Variants in COLQ observed in about 807,000 individuals in gnomAD.
COLQ encodes the protein acetylcholinesterase collagenic tail peptide.
Under a neutral mutation model 69.0 loss-of-function variants are expected in COLQ, and 48 were observed. That is an observed-to-expected ratio of 0.70 (90% CI 0.55 to 0.88). The LOEUF (loss-of-function observed/expected upper bound fraction) is 0.88. Among genes scored for constraint, COLQ ranks in the 40% least tolerant of loss-of-function variants. The pLI is 0.00. For missense variants in COLQ, 618 were observed against 594.6 expected (o/e 1.04, Z -0.41); for synonymous variants, 217 against 211.2 (o/e 1.03, Z -0.24).
chr3:15,474,184 T>G (rs769727092), intron 9 of COLQ, 44 bp downstream of exon 9: 1 of 1,610,972 alleles, frequency 6.2e-7, no homozygotes, highest in South Asian at 1.1e-5. Context: ...GGCTGCTACT[T>G]GCACTGACAT....
At chr3:15,481,079 G>A (rs947352927) in intron 3 of COLQ, among the ~76,000 whole-genome samples, 2 of 152,066 alleles carry the variant, frequency 1.3e-5, no homozygotes, top group Non-Finnish European at 2.9e-5. Context: ...TTGGATATTA[G>A]CCCTTTGTAG....
At chr3:15,495,872 G>A (rs1340817341) in intron 1 of COLQ, among the ~76,000 whole-genome samples, 9 of 152,132 alleles carry the variant, frequency 5.9e-5, no homozygotes, top group Admixed American at 2.6e-4. Flanking sequence ...CACCAATCCC[G>A]GAACGTTTTT....
At chr3:15,513,768 T>C (rs1482808409) in intron 1 of COLQ, among the ~76,000 whole-genome samples, 2 of 152,208 alleles carry the variant, frequency 1.3e-5, no homozygotes, top group African/African-American at 4.8e-5. Flanking sequence ...CACTCGTGGG[T>C]CTGTTTACCT....
intron 1 of COLQ, among the ~76,000 whole-genome samples, chr3:15,511,219 A>C (rs957486195): frequency 6.6e-6 from 1 of 152,190 alleles, no homozygotes; most frequent in African/African-American, 2.4e-5. Flanking sequence ...ATGTGTCCTA[A>C]TTTTACCTGA....
chr3:15,504,561 A>G (rs2062878140), intron 1 of COLQ, among the ~76,000 whole-genome samples: 1 of 152,194 alleles, frequency 6.6e-6, no homozygotes, highest in Non-Finnish European at 1.5e-5. Flanking sequence ...CTCATCTCCA[A>G]ATATAGTCAC....
At position 15,482,995 on chromosome 3, in the gene COLQ, T is replaced by C. The variant is rs529275602; in HGVS notation, c.322-3613A>G. Among the ~76,000 whole-genome samples the C allele has an allele frequency of 3.3e-5, 5 of 152,274 alleles. No individual in the cohort carries two copies. In the South Asian group the frequency reaches 1.0e-3, roughly 32 times the overall value. On this transcript the variant is annotated intron_variant, in intron 3 of 16. Transcript: ENST00000383788. Reference sequence around the variant, plus strand: ...TCTTCTAGATTTTCTAGTTTATTTGTGTAGAGGTGTTTATAGTGTTTTCTT... The same window carrying C: ...TCTTCTAGATTTTCTAGTTTATTTGCGTAGAGGTGTTTATAGTGTTTTCTT...
chr3:15,454,964 C>T (rs780923828), intron 15 of COLQ, among the ~76,000 whole-genome samples: 18 of 152,060 alleles, frequency 1.2e-4, no homozygotes, highest in Non-Finnish European at 1.2e-4. Flanking sequence ...CTGTGCCCAG[C>T]CTCCCCTGAG....
intron 12 of COLQ, among the ~76,000 whole-genome samples, chr3:15,462,905 C>T (rs1050726951): frequency 6.6e-5 from 10 of 152,064 alleles, no homozygotes; most frequent in Non-Finnish European, 1.3e-4. Context: ...GCTCCACAGA[C>T]GGCAAGGTGT....
At position 15,458,172 on chromosome 3, in the gene COLQ, C is replaced by T; in HGVS notation, c.954+14G>A. On this transcript the variant is annotated intron_variant, in intron 13 of 16. Transcript: ENST00000383788. ...CACGGATAACCACCCCAGACTTCTC[C>T]CAGAAAGCCTTACCACAGGAACTCG... The T allele has an allele frequency of 6.2e-7, 1 of 1,612,968 alleles. No individual in the cohort carries two copies. Among genetic ancestry groups the T allele is most frequent in the Non-Finnish European group, 8.5e-7 (1 of 1,179,992 alleles).
At chr3:15,485,399 T>G (rs1265771396) in intron 3 of COLQ, among the ~76,000 whole-genome samples, 1 of 152,198 alleles carries the variant, frequency 6.6e-6, no homozygotes, top group African/African-American at 2.4e-5. Context: ...AACTCTGTGC[T>G]GGGAGAACCA....
At chr3:15,497,488 C>T (rs2062762580) in intron 1 of COLQ, among the ~76,000 whole-genome samples, 1 of 152,144 alleles carries the variant, frequency 6.6e-6, no homozygotes, top group Non-Finnish European at 1.5e-5. Flanking sequence ...ATCAAGTAGC[C>T]TTCCCTCCCA....
chr3:15,507,496 C>T (rs1176354061), intron 1 of COLQ, among the ~76,000 whole-genome samples: 2 of 152,152 alleles, frequency 1.3e-5, no homozygotes, highest in Non-Finnish European at 2.9e-5. Context: ...ACTCTGTTGC[C>T]CAGGCTGGAG....
At chr3:15,500,757 C>A (rs2125162433) in intron 1 of COLQ, among the ~76,000 whole-genome samples, 1 of 152,314 alleles carries the variant, frequency 6.6e-6, no homozygotes, top group African/African-American at 2.4e-5. Flanking sequence ...CTCTGTCTTT[C>A]CAAGCATGCA....
intron 11 of COLQ, among the ~76,000 whole-genome samples, chr3:15,470,328 G>C (rs2062259737): frequency 6.6e-6 from 1 of 152,190 alleles, no homozygotes; most frequent in African/African-American, 2.4e-5. Flanking sequence ...TTCACATGGA[G>C]CATCCTATCC....
chr3:15,469,143 C>T lies in COLQ; in HGVS notation c.717+1393G>A, dbSNP rs574637214. Among the ~76,000 whole-genome samples the T allele has an allele frequency of 6.6e-5, 10 of 152,282 alleles. No individual in the cohort carries two copies. The East Asian group carries it at 7.7e-4, about 12-fold the overall frequency. On this transcript the variant is annotated intron_variant, in intron 11 of 16. Coordinates refer to ENST00000383788, the MANE Select transcript of COLQ (RefSeq NM_005677.4). ...CCTCGGGTTGTTCACAATGTCTTGT[C>T]GAAAGCTTGGGCTCTTTTCTCTAAC...
intron 8 of COLQ, 112 bp from the exon 9 acceptor site, chr3:15,474,384 A>G: frequency 5.4e-6 from 6 of 1,113,442 alleles, no homozygotes; most frequent in Non-Finnish European, 8.2e-6. Context: ...CAAGTGAAGA[A>G]ATAGGCTCAG....
intron 1 of COLQ, among the ~76,000 whole-genome samples, chr3:15,490,385 G>T (rs1258118921): frequency 4.0e-5 from 6 of 150,470 alleles, no homozygotes; most frequent in Non-Finnish European, 8.8e-5. Flanking sequence ...CAGCACCCAG[G>T]TCAAGAAACA....
chr3:15,460,986 T>C (rs757157025), intron 12 of COLQ, among the ~76,000 whole-genome samples: 27 of 152,090 alleles, frequency 1.8e-4, no homozygotes, highest in Non-Finnish European at 3.4e-4. Context: ...TGATGAATGG[T>C]GAGGCTGAGA....
chr3:15,455,851 C>G (rs770378854), intron 15 of COLQ, 48 bp downstream of exon 15: 5 of 1,612,660 alleles, frequency 3.1e-6, no homozygotes, highest in Non-Finnish European at 4.2e-6. Flanking sequence ...TGAGTCCCAC[C>G]CCCCTGCTGT....
Sources: gnomAD v4.1 joint callset for allele counts (sites outside exome capture counted in the v4.1 genomes callset) on GRCh38, gnomAD v4.1.1 for gene constraint, MANE v1.5 for transcripts, NCBI Gene and HGNC (gene_info 2026-07-23, HGNC 2026-07-21) for gene names.